Variants in KAZN observed in about 807,000 individuals in gnomAD.
KAZN encodes the protein kazrin.
KAZN carries 40 observed loss-of-function variants against 87.4 expected under a neutral mutation model. The observed-to-expected ratio is 0.46, with a 90% CI of 0.36 to 0.60. The LOEUF (loss-of-function observed/expected upper bound fraction) is 0.60. Ranked by LOEUF, KAZN falls within the 20% of genes least tolerant of loss-of-function variation. The pLI is 0.00. For missense variants in KAZN, 898 were observed against 1,073.9 expected, an observed-to-expected ratio of 0.84 and a Z score of 2.29; for synonymous variants, 466 against 458.3, an observed-to-expected ratio of 1.02 and a Z score of -0.22.
intron 3 of KAZN, among the ~76,000 whole-genome samples, chr1:15,042,472 C>T (rs1042075586): frequency 3.7e-4 from 57 of 152,306 alleles, no homozygotes; most frequent in Middle Eastern, 3.4e-3. Flanking sequence ...GAGGAGGAGA[C>T]AATTGAGCAG....
intron 2 of KAZN, among the ~76,000 whole-genome samples, chr1:14,463,682 TA>T (rs796925921): frequency 2.0e-5 from 3 of 152,268 alleles, no homozygotes; most frequent in African/African-American, 7.2e-5. Flanking sequence ...CTGTGGCTTC[TA>T]AATTAAAAAA....
At chr1:14,367,726 T>C (rs554776551) in intron 2 of KAZN, among the ~76,000 whole-genome samples, 24 of 152,262 alleles carry the variant, frequency 1.6e-4, no homozygotes, top group Non-Finnish European at 3.2e-4. Flanking sequence ...ACCAGCTTAG[T>C]GCAAACACAA....
At chr1:15,092,948 G>A (rs1195378862) in intron 8 of KAZN, among the ~76,000 whole-genome samples, 2 of 151,598 alleles carry the variant, frequency 1.3e-5, no homozygotes, top group East Asian at 1.9e-4. Context: ...GTCTGTGAGG[G>A]CCATTCCAGA....
intron 1 of KAZN, among the ~76,000 whole-genome samples, chr1:13,918,565 G>T (rs528211580): frequency 6.6e-6 from 1 of 152,238 alleles, no homozygotes; most frequent in Non-Finnish European, 1.5e-5. Flanking sequence ...TAAAGAAGTG[G>T]CAGGATTTGA....
At chr1:14,931,917 C>T (rs1659874991) in intron 1 of KAZN, among the ~76,000 whole-genome samples, 1 of 152,164 alleles carries the variant, frequency 6.6e-6, no homozygotes, top group South Asian at 2.1e-4. Flanking sequence ...ATGCCAACCC[C>T]TGTCCGGGCA....
intron 2 of KAZN, among the ~76,000 whole-genome samples, chr1:14,435,969 G>C (rs3889322): frequency 6.6e-6 from 1 of 152,024 alleles, no homozygotes; most frequent in Non-Finnish European, 1.5e-5. Context: ...ACTATGTCAA[G>C]GAATTTGAGT....
intron 2 of KAZN, among the ~76,000 whole-genome samples, chr1:14,401,313 A>G (rs1663389343): frequency 6.6e-6 from 1 of 152,012 alleles, no homozygotes; most frequent in Non-Finnish European, 1.5e-5. Context: ...TTATATATAT[A>G]ATGTAGAAGA....
intron 1 of KAZN, among the ~76,000 whole-genome samples, chr1:14,114,842 C>A (rs551211980): frequency 1.3e-5 from 2 of 152,326 alleles, no homozygotes; most frequent in South Asian, 4.1e-4. Context: ...TTCCATAAGG[C>A]AGGTGCTGTT....
At chr1:14,633,005 C>T (rs1287073569) in intron 1 of KAZN, among the ~76,000 whole-genome samples, 1 of 152,092 alleles carries the variant, frequency 6.6e-6, no homozygotes, top group Non-Finnish European at 1.5e-5. Context: ...CAACTTCCGC[C>T]TCCCAGATTC....
chr1:14,777,959 A>C (rs1459415027), intron 1 of KAZN, among the ~76,000 whole-genome samples: 2 of 152,120 alleles, frequency 1.3e-5, no homozygotes, highest in Admixed American at 6.5e-5. Flanking sequence ...CATGAGGACG[A>C]TCAAAGGTCA....
intron 2 of KAZN, among the ~76,000 whole-genome samples, chr1:14,487,839 C>T (rs1669428590): frequency 6.6e-6 from 1 of 152,138 alleles, no homozygotes; most frequent in African/African-American, 2.4e-5. Context: ...TCATTTGTGG[C>T]TTGCAGATCT....
chr1:14,635,964 G>A (rs1320396643), intron 1 of KAZN, among the ~76,000 whole-genome samples: 2 of 152,186 alleles, frequency 1.3e-5, no homozygotes, highest in Non-Finnish European at 2.9e-5. Flanking sequence ...TTACACCCAG[G>A]TCTGTGGGCA....
At chr1:14,006,541 T>C (rs991142794) in intron 1 of KAZN, among the ~76,000 whole-genome samples, 1 of 152,178 alleles carries the variant, frequency 6.6e-6, no homozygotes, top group Non-Finnish European at 1.5e-5. Context: ...TAGGGTCCAG[T>C]TTTATTCTTT....
chr1:15,038,306 A>G (rs1213589863), intron 3 of KAZN, among the ~76,000 whole-genome samples: 3 of 152,178 alleles, frequency 2.0e-5, no homozygotes, highest in South Asian at 2.1e-4. Flanking sequence ...GCAGAGTCCA[A>G]GAGGATCCAA....
chr1:14,899,152 G>A (rs1276330031), intron 1 of KAZN, among the ~76,000 whole-genome samples: 2 of 152,154 alleles, frequency 1.3e-5, no homozygotes, highest in Non-Finnish European at 2.9e-5. Context: ...AAGGGCTCAG[G>A]GACCCAACAA....
At chr1:15,022,606 G>A (rs542040342) in intron 2 of KAZN, among the ~76,000 whole-genome samples, 296 of 152,276 alleles carry the variant, frequency 1.9e-3, no homozygotes, top group African/African-American at 6.8e-3. Flanking sequence ...GCACCCAGCC[G>A]AGCCCACAGA....
chr1:14,456,832 C>T (rs1367918004), intron 2 of KAZN, among the ~76,000 whole-genome samples: 3 of 152,100 alleles, frequency 2.0e-5, no homozygotes. Flanking sequence ...GTAATCCCAG[C>T]ACTTTGGGAG....
intron 1 of KAZN, among the ~76,000 whole-genome samples, chr1:14,874,691 G>A (rs1013230375): frequency 6.6e-6 from 1 of 152,154 alleles, no homozygotes; most frequent in Non-Finnish European, 1.5e-5. Context: ...CAACTTTTTG[G>A]ATCCAGCCCA....
chr1:14,509,543 C>G (rs1289671506), intron 2 of KAZN, among the ~76,000 whole-genome samples: 1 of 152,156 alleles, frequency 6.6e-6, no homozygotes. Context: ...AGGCGAGGAG[C>G]CTCGTAGGGC....
Sources: gnomAD v4.1 joint callset for allele counts (sites outside exome capture counted in the v4.1 genomes callset) on GRCh38, gnomAD v4.1.1 for gene constraint, MANE v1.5 for transcripts, NCBI Gene and HGNC (gene_info 2026-07-23, HGNC 2026-07-21) for gene names.